Variants in PSMG2 observed in about 807,000 individuals in gnomAD.
PSMG2 encodes the protein proteasome assembly chaperone 2.
PSMG2 carries 21 observed loss-of-function variants against 31.5 expected under a neutral mutation model. That is an observed-to-expected ratio of 0.67 (90% CI 0.47 to 0.96). The LOEUF (loss-of-function observed/expected upper bound fraction) is 0.96, where lower values mean the gene tolerates loss of function less well. Ranked by LOEUF, PSMG2 falls within the 40% of genes least tolerant of loss-of-function variation. The pLI is 0.00. For synonymous variants in PSMG2, 120 were observed against 110.4 expected (o/e 1.09, Z -0.54); for missense variants, 318 against 321.2 (o/e 0.99, Z 0.08).
chr18:12,722,543 A>G (rs1355156422), intron 5 of PSMG2, among the ~76,000 whole-genome samples: 8 of 152,180 alleles, frequency 5.3e-5, no homozygotes, highest in Non-Finnish European at 1.2e-4. Flanking sequence ...AGGACAGGCA[A>G]AGAACAGCTT....
chr18:12,681,918 C>G (rs1186221987), intron 1 of PSMG2, among the ~76,000 whole-genome samples: 1 of 151,694 alleles, frequency 6.6e-6, no homozygotes, highest in African/African-American at 2.4e-5. Flanking sequence ...ATCGCTTGAA[C>G]CTGGGAGGCA....
intron 3 of PSMG2, among the ~76,000 whole-genome samples, chr18:12,716,560 A>T (rs190889318): frequency 8.3e-4 from 125 of 151,392 alleles, no homozygotes; most frequent in African/African-American, 2.8e-3. Context: ...CGCCCGGCTA[A>T]TTTTTTTGTA....
At chr18:12,724,947 G>C (rs1190667989) in intron 6 of PSMG2, 6 of 352,374 alleles carry the variant, frequency 1.7e-5, no homozygotes, top group Non-Finnish European at 3.0e-5. Flanking sequence ...TTTTTTTAGG[G>C]AAGTAAAAAG....
At chr18:12,718,350 A>G (rs947293060) in intron 3 of PSMG2, among the ~76,000 whole-genome samples, 167 bp from the exon 4 acceptor site, 3 of 152,216 alleles carry the variant, frequency 2.0e-5, no homozygotes, top group African/African-American at 4.8e-5. Flanking sequence ...ATTGCTCTTT[A>G]TCATTCACTT....
At chr18:12,690,718 G>C (rs970954590) in intron 1 of PSMG2, among the ~76,000 whole-genome samples, 3 of 152,124 alleles carry the variant, frequency 2.0e-5, no homozygotes, top group South Asian at 2.1e-4. Flanking sequence ...GCCTCCCCAA[G>C]TGCTGGGATT....
upstream of PSMG2, chr18:12,702,635 C>A (rs1235232225): frequency 4.2e-5 from 60 of 1,435,480 alleles, no homozygotes; most frequent in Non-Finnish European, 5.2e-5. Flanking sequence ...GCGTTAGGAG[C>A]GACTGGAGCA....
At chr18:12,720,770 A>T in intron 5 of PSMG2, 87 bp downstream of exon 5, 13 of 1,327,740 alleles carry the variant, frequency 9.8e-6, no homozygotes, top group Non-Finnish European at 1.2e-5. Flanking sequence ...ACTGCACTCT[A>T]GCCTGGGTGA....
At chr18:12,719,350 C>T (rs2040407947) in intron 4 of PSMG2, among the ~76,000 whole-genome samples, 1 of 152,180 alleles carries the variant, frequency 6.6e-6, no homozygotes, top group African/African-American at 2.4e-5. Flanking sequence ...AAGTTGATAA[C>T]ATATCATATA....
At chr18:12,705,066 CTT>C (rs1013314195) in intron 1 of PSMG2, among the ~76,000 whole-genome samples, 4 of 144,522 alleles carry the variant, frequency 2.8e-5, no homozygotes, top group African/African-American at 2.5e-5. Context: ...TAATATTGAA[CTT>C]TTTTTTTTTT....
At chr18:12,670,128 G>A (rs1479028979) in intron 1 of PSMG2, among the ~76,000 whole-genome samples, 2 of 152,056 alleles carry the variant, frequency 1.3e-5, no homozygotes, top group Non-Finnish European at 1.5e-5. Context: ...TCAGGAGTTC[G>A]CGACCAGCCT....
chr18:12,663,717 A>G (rs1344662485), intron 1 of PSMG2, among the ~76,000 whole-genome samples: 1 of 152,198 alleles, frequency 6.6e-6, no homozygotes. Context: ...CTGATGAGAC[A>G]ATGCAAAAAT....
intron 1 of PSMG2, chr18:12,674,444 A>G: frequency 2.3e-6 from 1 of 442,014 alleles, no homozygotes; most frequent in Non-Finnish European, 3.5e-6. Context: ...CTTGAGTTAA[A>G]AAAAAAAAAA....
intron 2 of PSMG2, among the ~76,000 whole-genome samples, chr18:12,708,312 C>T (rs1054692363): frequency 6.6e-6 from 1 of 151,882 alleles, no homozygotes; most frequent in African/African-American, 2.4e-5. Flanking sequence ...ATACTTTCCA[C>T]TAGTGATAAC....
At chr18:12,713,365 T>A (rs1295223898) in intron 3 of PSMG2, among the ~76,000 whole-genome samples, 1 of 152,116 alleles carries the variant, frequency 6.6e-6, no homozygotes, top group Non-Finnish European at 1.5e-5. Context: ...AAGAAAGGCT[T>A]TATATTGCAA....
chr18:12,672,105 A>G (rs1159229674), intron 1 of PSMG2, among the ~76,000 whole-genome samples: 1 of 144,922 alleles, frequency 6.9e-6, no homozygotes, highest in Non-Finnish European at 1.5e-5. Flanking sequence ...GGTGTGAGCC[A>G]CCATGCCTGG....
intron 5 of PSMG2, among the ~76,000 whole-genome samples, chr18:12,723,427 G>C (rs1048138624): frequency 1.3e-5 from 2 of 151,980 alleles, no homozygotes; most frequent in African/African-American, 2.4e-5. Context: ...ACTAGATATA[G>C]AACTTTGGGC....
chr18:12,676,000 T>C (rs747119690), intron 1 of PSMG2, among the ~76,000 whole-genome samples: 22 of 152,040 alleles, frequency 1.4e-4, no homozygotes, highest in African/African-American at 5.1e-4. Context: ...AAAAGACCTA[T>C]TGATATCTGG....
chr18:12,720,332 T>C (rs1223811644), intron 4 of PSMG2, among the ~76,000 whole-genome samples, 178 bp from the exon 5 acceptor site: 1 of 152,216 alleles, frequency 6.6e-6, no homozygotes, highest in Non-Finnish European at 1.5e-5. Flanking sequence ...TCTGTCTTTT[T>C]ATATTGTCTC....
intron 1 of PSMG2, among the ~76,000 whole-genome samples, chr18:12,693,600 T>C (rs2039844327): frequency 6.6e-6 from 1 of 152,038 alleles, no homozygotes; most frequent in Non-Finnish European, 1.5e-5. Context: ...CTGGCCAACA[T>C]GGTGAAACCC....
Sources: allele counts gnomAD v4.1 joint callset (sites outside exome capture counted in the v4.1 genomes callset), GRCh38; gene constraint gnomAD v4.1.1; transcripts MANE v1.5; gene names NCBI Gene and HGNC (gene_info 2026-07-23, HGNC 2026-07-21).